Variants in PLCH1 observed in about 807,000 individuals in gnomAD.
The protein encoded by PLCH1 is phospholipase C eta 1, also known as 1-phosphatidylinositol 4,5-bisphosphate phosphodiesterase eta-1.
In PLCH1, 60 loss-of-function variants were observed where a neutral mutation model predicts 126.7. The ratio of observed to expected loss-of-function variants is 0.47; its 90% confidence interval spans 0.38 to 0.59. The LOEUF is 0.59. Among genes scored for constraint, PLCH1 ranks in the 20% least tolerant of loss-of-function variants. PLCH1 has a pLI of 0.00. For missense variants in PLCH1, 1,723 were observed against 2,040.0 expected (o/e 0.84, Z 2.99); for synonymous variants, 719 against 734.9 (o/e 0.98, Z 0.35).
intron 1 of PLCH1, among the ~76,000 whole-genome samples, chr3:155,734,710 C>CT (rs1226347081): frequency 0.016 from 2,152 of 135,468 alleles, 48 homozygotes; most frequent in African/African-American, 0.044. Flanking sequence ...TTTTCTTTTT[C>CT]TTTTTTTTTT....
intron 21 of PLCH1, among the ~76,000 whole-genome samples, chr3:155,465,469 A>G (rs1186552984): frequency 1.3e-5 from 2 of 151,990 alleles, no homozygotes; most frequent in Non-Finnish European, 2.9e-5. Flanking sequence ...CCCCAAATGA[A>G]CAGCAGCGAT....
intron 14 of PLCH1, among the ~76,000 whole-genome samples, chr3:155,497,969 C>T (rs551316865): frequency 3.9e-5 from 6 of 152,258 alleles, no homozygotes; most frequent in Non-Finnish European, 8.8e-5. Context: ...CCTGCATTGG[C>T]CTCCCAAAAT....
rs749436701 is a variant in PLCH1 at position 155,482,370 on chromosome 3, C to A, written c.3656G>T (p.Cys1219Phe). ...TTTTAGGCCCAGGCTAGGCAAGGGA[C>A]AATGGCCTGACATCACACTGGTATT... ...LHNTSVMSGHCPLPSLGLKMP... is the reference protein window; with the variant it reads ...LHNTSVMSGHFPLPSLGLKMP... Residue 1219 changes from cysteine (C) to phenylalanine (F), a missense_variant, in exon 23 of 23, where the codon TGT becomes TTT. Transcript: ENST00000460012. 6.2e-7 allele frequency: 1 copy of A among 1,614,060 alleles called. No individual in the cohort carries two copies.
intron 9 of PLCH1, among the ~76,000 whole-genome samples, chr3:155,552,122 T>G (rs1160546141): frequency 1.3e-5 from 2 of 152,252 alleles, no homozygotes; most frequent in Non-Finnish European, 2.9e-5. Context: ...TAACCTCATG[T>G]TTAATTAATG....
At chr3:155,684,959 CA>C (rs1306299106) in intron 2 of PLCH1, among the ~76,000 whole-genome samples, 1 of 152,116 alleles carries the variant, frequency 6.6e-6, no homozygotes, top group African/African-American at 2.4e-5. Context: ...CTGCCTAAGA[CA>C]ACAGAAAAAT....
At chr3:155,656,174 C>T (rs947610565) in intron 2 of PLCH1, among the ~76,000 whole-genome samples, 2 of 151,124 alleles carry the variant, frequency 1.3e-5, no homozygotes, top group Non-Finnish European at 3.0e-5. Flanking sequence ...TTACCCCCCC[C>T]CAAATAAAAA....
At chr3:155,632,521 C>G (rs1481249176) in intron 2 of PLCH1, among the ~76,000 whole-genome samples, 2 of 152,152 alleles carry the variant, frequency 1.3e-5, no homozygotes, top group Non-Finnish European at 2.9e-5. Flanking sequence ...TTTGCCTTCT[C>G]TTCTGTATTG....
chr3:155,529,129 A>G (rs897994253), intron 10 of PLCH1, among the ~76,000 whole-genome samples: 11 of 152,234 alleles, frequency 7.2e-5, no homozygotes, highest in Non-Finnish European at 1.6e-4. Context: ...AGAATGATCC[A>G]GGTGTCTTCC....
chr3:155,483,041 T>C lies in PLCH1; in HGVS notation c.2985A>G (p.Lys995=). The part of the protein sequence containing the change: ...EGKENSLAED[K]DGRRKGKASI... ...TTGCTTTCCCTTTTCTTCTGCCATCTTTATCTTCTGCTGAAGGAGACAAAC... is the reference window on the plus strand; with the variant it reads ...TTGCTTTCCCTTTTCTTCTGCCATCCTTATCTTCTGCTGAAGGAGACAAAC... Residue 995 remains lysine, a synonymous_variant, in exon 23 of 23, where the codon AAA becomes AAG. Coordinates refer to ENST00000460012, the MANE Select transcript of PLCH1 (RefSeq NM_014996.4). 1 of 1,612,844 alleles carries C rather than the reference T, an allele frequency of 6.2e-7. No individual in the cohort carries two copies. The highest frequency in any genetic ancestry group is 1.7e-5 in the Admixed American group (1 of 59,988).
chr3:155,546,831 G>A (rs1725356400), intron 10 of PLCH1, among the ~76,000 whole-genome samples: 1 of 148,646 alleles, frequency 6.7e-6, no homozygotes, highest in Non-Finnish European at 1.5e-5. Flanking sequence ...AAACTGGCTA[G>A]CCATATGAAG....
At chr3:155,726,173 A>G (rs532389115) in intron 1 of PLCH1, among the ~76,000 whole-genome samples, 32 of 152,274 alleles carry the variant, frequency 2.1e-4, no homozygotes, top group Admixed American at 2.0e-3. Flanking sequence ...TTTAACTTAA[A>G]CTTTCTTTGG....
intron 2 of PLCH1, among the ~76,000 whole-genome samples, chr3:155,651,478 C>T (rs190108789): frequency 6.6e-6 from 1 of 152,016 alleles, no homozygotes; most frequent in East Asian, 1.9e-4. Context: ...GAGGGGGTGG[C>T]GTGGAGGAGT....
intron 1 of PLCH1, among the ~76,000 whole-genome samples, chr3:155,725,400 C>G (rs1748241622): frequency 6.6e-6 from 1 of 151,390 alleles, no homozygotes; most frequent in South Asian, 2.1e-4. Context: ...TCACCTATTT[C>G]CCTTTCTATT....
chr3:155,494,163 G>C lies in PLCH1; in HGVS notation c.2160C>G (p.Leu720=), dbSNP rs1560066107. The stretch of plus-strand genomic sequence containing the variant: ...CACCTTTGCACATTTGCTGGGGTTT[G>C]AGGACATAGCCACAATTGCCATTTG... The part of the protein sequence containing the change: ...FKANGNCGYV[L]KPQQMCKGTF... The change falls in exon 17 of 23, where the codon CTC becomes CTG. Residue 720 remains leucine (L), a synonymous_variant. Coordinates refer to ENST00000460012, the MANE Select transcript of PLCH1 (RefSeq NM_014996.4). 1 of 1,613,700 alleles carries C rather than the reference G, an allele frequency of 6.2e-7. No homozygotes were observed. Among genetic ancestry groups the C allele is most frequent in the Non-Finnish European group, 8.5e-7 (1 of 1,179,602 alleles).
chr3:155,699,096 A>G (rs1361516491), intron 2 of PLCH1, among the ~76,000 whole-genome samples: 3 of 129,098 alleles, frequency 2.3e-5, no homozygotes, highest in African/African-American at 5.9e-5. Flanking sequence ...TTTTTTTTTG[A>G]GACAGTTTTG....
At chr3:155,720,837 G>A (rs1747895298) in intron 1 of PLCH1, among the ~76,000 whole-genome samples, 1 of 152,162 alleles carries the variant, frequency 6.6e-6, no homozygotes, top group Non-Finnish European at 1.5e-5. Context: ...TTATCTTCCA[G>A]AATTTGTAAA....
In PLCH1 at chr3:155,492,775, T is replaced by C; in HGVS notation, c.2261A>G (p.Gln754Arg). Reference protein sequence around the residue: ...KQLILKVISGQQLPKPPDSMF... With the variant: ...KQLILKVISGRQLPKPPDSMF... ...GGAGTCTGGAGGTTTGGGGAGTTGC[T>C]GTCCACTGATAACTTTCAGGATGAG... Residue 754 changes from glutamine to arginine, a missense_variant, in exon 18 of 23, where the codon CAG becomes CGG. Physicochemically the swap from Gln to Arg is conservative, Grantham distance 43. Transcript: ENST00000460012. 1 of 1,607,160 alleles carries C rather than the reference T, an allele frequency of 6.2e-7. No homozygotes were observed. The highest frequency in any genetic ancestry group is 8.5e-7 in the Non-Finnish European group (1 of 1,177,150).
intron 10 of PLCH1, among the ~76,000 whole-genome samples, chr3:155,545,217 T>G (rs1403361074): frequency 1.0e-3 from 152 of 150,462 alleles, no homozygotes; most frequent in Non-Finnish European, 1.8e-3. Context: ...TCACCACTGA[T>G]CCCACAGAAA....
intron 2 of PLCH1, among the ~76,000 whole-genome samples, chr3:155,629,703 C>T (rs963177627): frequency 7.2e-5 from 11 of 152,048 alleles, no homozygotes; most frequent in Admixed American, 2.0e-4. Context: ...GTCAAGTAGA[C>T]GTCTCAAATA....
Sources: gnomAD v4.1 joint callset for allele counts (sites outside exome capture counted in the v4.1 genomes callset) on GRCh38, gnomAD v4.1.1 for gene constraint, MANE v1.5 for transcripts, NCBI Gene and HGNC (gene_info 2026-07-23, HGNC 2026-07-21) for gene names.